PCDHA10: variants seen among roughly 807,000 people sequenced by gnomAD.
PCDHA10 encodes protocadherin alpha-10.
Under a neutral mutation model 61.2 loss-of-function variants are expected in PCDHA10, and 45 were observed. The ratio of observed to expected loss-of-function variants is 0.74; its 90% CI spans 0.58 to 0.94. PCDHA10 has a LOEUF of 0.94. Ranked by LOEUF, PCDHA10 falls within the 40% of genes least tolerant of loss-of-function variation. The pLI is 0.00. For synonymous variants in PCDHA10, 602 were observed against 548.8 expected, an observed-to-expected ratio of 1.10 and a Z score of -1.35; for missense variants, 1,278 against 1,236.2, an observed-to-expected ratio of 1.03 and a Z score of -0.51.
chr5:140,982,154 G>A (rs1304368371), intron 2 of PCDHA10, among the ~76,000 whole-genome samples: 3 of 152,210 alleles, frequency 2.0e-5, no homozygotes, highest in East Asian at 1.9e-4. Flanking sequence ...CTTCAGTATC[G>A]AGATGTTAAA....
rs2051668710 is a variant in PCDHA10, at chr5:140,870,104, CA to C, written c.2388+11669del. The C allele has an allele frequency of 1.9e-6, 3 of 1,613,930 alleles. No individual in the cohort carries two copies. In the East Asian group the frequency reaches 6.7e-5, roughly 36 times the overall value. On this transcript the variant is annotated intron_variant, in intron 1 of 3. Coordinates refer to ENST00000307360, the MANE Select transcript of PCDHA10 (RefSeq NM_018901.4). ...ACTCCCCCAATGGCAGGTCACTGTACAGTCTGGGTGGAAATCTTGGACACCA... is the reference window on the plus strand; with the variant it reads ...ACTCCCCCAATGGCAGGTCACTGTACGTCTGGGTGGAAATCTTGGACACCA...
intron 1 of PCDHA10, 166 bp from the exon 2 acceptor site, chr5:140,978,783 A>G: frequency 1.0e-6 from 1 of 972,136 alleles, no homozygotes. Context: ...TTTCTTCTAA[A>G]GTGCTATATA....
At chr5:141,009,551 C>G (rs551736337) in intron 3 of PCDHA10, 76 bp from the exon 4 acceptor site, 1 of 1,561,992 alleles carries the variant, frequency 6.4e-7, no homozygotes, top group East Asian at 2.2e-5. Flanking sequence ...ATGCAGTACT[C>G]CTGTACTCTA....
chr5:140,895,523 C>T (rs2065044928), intron 1 of PCDHA10, among the ~76,000 whole-genome samples: 1 of 152,068 alleles, frequency 6.6e-6, no homozygotes, highest in South Asian at 2.1e-4. Flanking sequence ...TTGGTTTATT[C>T]GTTTTTCAAT....
At chr5:140,930,553 A>C (rs1252554591) in intron 1 of PCDHA10, 1 of 152,562 alleles carries the variant, frequency 6.6e-6, no homozygotes, top group Non-Finnish European at 1.5e-5. Flanking sequence ...TTAGGACAAC[A>C]TTTTGAAGCA....
chr5:140,897,435 A>G (rs1382805623), intron 1 of PCDHA10, among the ~76,000 whole-genome samples: 1 of 147,702 alleles, frequency 6.8e-6, no homozygotes, highest in Non-Finnish European at 1.5e-5. Flanking sequence ...GAGAACATGC[A>G]GTGTTTGGTT....
At position 140,877,008 on chromosome 5, in the gene PCDHA10, G is replaced by A. The variant is rs368922456; in HGVS notation, c.2388+18572G>A. On this transcript the variant is annotated intron_variant, in intron 1 of 3. Coordinates refer to ENST00000307360, the MANE Select transcript of PCDHA10 (RefSeq NM_018901.4). Reference sequence around the variant, plus strand: ...TGTCGAGCTACGTGTCGGTGCACGCGGAGAGCGGCAAGGTGTACGCGCTGC... The same window carrying A: ...TGTCGAGCTACGTGTCGGTGCACGCAGAGAGCGGCAAGGTGTACGCGCTGC... 82 of 1,612,526 alleles carry A rather than the reference G, an allele frequency of 5.1e-5. No homozygotes were observed. The African/African-American group carries it at 9.3e-4, about 18-fold the overall frequency.
At chr5:140,964,213 A>G (rs1338010666) in intron 1 of PCDHA10, among the ~76,000 whole-genome samples, 10 of 152,210 alleles carry the variant, frequency 6.6e-5, no homozygotes, top group African/African-American at 1.9e-4. Flanking sequence ...CTTTAGTACA[A>G]TGTCTTTCAA....
intron 1 of PCDHA10, chr5:140,928,844 C>G (rs782361945): frequency 6.2e-7 from 1 of 1,614,168 alleles, no homozygotes; most frequent in Admixed American, 1.7e-5. Context: ...TCCTCTGTCA[C>G]TCTGGGTGTG....
At chr5:141,005,930 G>C (rs1179599253) in intron 3 of PCDHA10, among the ~76,000 whole-genome samples, 1 of 151,958 alleles carries the variant, frequency 6.6e-6, no homozygotes, top group African/African-American at 2.4e-5. Context: ...CTGGTTGACA[G>C]AGTGAGAACC....
chr5:140,863,194 T>C (rs537580785), intron 1 of PCDHA10: 17 of 849,862 alleles, frequency 2.0e-5, no homozygotes, highest in African/African-American at 1.9e-4. Flanking sequence ...CGTGGTGGCG[T>C]CGCTGGCGGA....
At chr5:140,897,307 A>G (rs2065987327) in intron 1 of PCDHA10, among the ~76,000 whole-genome samples, 2 of 148,058 alleles carry the variant, frequency 1.4e-5, no homozygotes, top group African/African-American at 2.5e-5. Context: ...AGCATTAGGT[A>G]TATCTCCTAA....
chr5:140,964,969 G>T (rs2095866914), intron 1 of PCDHA10, among the ~76,000 whole-genome samples: 1 of 152,190 alleles, frequency 6.6e-6, no homozygotes, highest in South Asian at 2.1e-4. Flanking sequence ...TGGAACGAAG[G>T]GATGTGCTAG....
chr5:140,943,257 C>CAAAAAAAA (rs1238620023), intron 1 of PCDHA10, among the ~76,000 whole-genome samples: 2 of 77,482 alleles, frequency 2.6e-5, no homozygotes, highest in Admixed American at 1.5e-4. Flanking sequence ...GACTCTGTCT[C>CAAAAAAAA]AAAAAAAAAA....
At chr5:140,875,723 T>G in intron 1 of PCDHA10, 1 of 1,614,194 alleles carries the variant, frequency 6.2e-7, no homozygotes, top group South Asian at 1.1e-5. Context: ...AATGGCATTT[T>G]GTTTGTGAAT....
At chr5:140,966,922 G>C (rs782206344) in intron 1 of PCDHA10, 7 of 1,602,954 alleles carry the variant, frequency 4.4e-6, no homozygotes, top group Non-Finnish European at 5.9e-6. Context: ...CAGAGGAGCA[G>C]GCACCCGGCG....
In PCDHA10 at chr5:140,857,497, G is replaced by A. The variant is rs1473016176; in HGVS notation, c.1449G>A (p.Ala483=). Residue 483 remains alanine, a synonymous_variant, in exon 1 of 4, where the codon GCG becomes GCA. Coordinates refer to ENST00000307360, the MANE Select transcript of PCDHA10 (RefSeq NM_018901.4). ...CGGTGTCTGCGTGGGACGCGGACGCGCAGGAGAACGCCCTGGTGTCCTACT... is the reference window on the plus strand; with the variant it reads ...CGGTGTCTGCGTGGGACGCGGACGCACAGGAGAACGCCCTGGTGTCCTACT... The part of the protein sequence containing the change: ...IFTVSAWDAD[A]QENALVSYSL... 10 of 1,598,262 alleles carry A rather than the reference G, an allele frequency of 6.3e-6. 1 individual carries two copies. Among genetic ancestry groups the A allele is most frequent in the Non-Finnish European group, 8.6e-6 (10 of 1,167,792 alleles).
At chr5:140,909,582 T>G (rs1407869706) in intron 1 of PCDHA10, among the ~76,000 whole-genome samples, 1 of 152,298 alleles carries the variant, frequency 6.6e-6, no homozygotes, top group Non-Finnish European at 1.5e-5. Flanking sequence ...TGTGATATGT[T>G]TTTTGATTTA....
intron 1 of PCDHA10, chr5:140,870,035 A>G (rs1490530166): frequency 1.2e-6 from 2 of 1,613,656 alleles, no homozygotes; most frequent in African/African-American, 2.7e-5. Context: ...GATTATGAAG[A>G]AAACAAGTTT....
Sources: gnomAD v4.1 joint callset for allele counts (sites outside exome capture counted in the v4.1 genomes callset) on GRCh38, gnomAD v4.1.1 for gene constraint, MANE v1.5 for transcripts, NCBI Gene and HGNC (gene_info 2026-07-23, HGNC 2026-07-21) for gene names.